The following NCLN variants were observed in gnomAD, a reference collection of about 807,000 sequenced individuals.
NCLN encodes BOS complex subunit NCLN.
A neutral mutation model predicts 69.5 loss-of-function variants in NCLN; 34 were observed. That is an observed-to-expected ratio of 0.49 (90% CI 0.37 to 0.65). NCLN has a LOEUF of 0.65. NCLN is among the 30% of genes least tolerant of loss of function. NCLN has a pLI of 0.00. For synonymous variants in NCLN, 393 were observed against 358.3 expected (o/e 1.10, Z -1.09); for missense variants, 710 against 804.8 (o/e 0.88, Z 1.42).
Position 3,207,023 on chromosome 19 carries a change from C to T in NCLN, c.1500-175C>T, listed in dbSNP as rs150148705. 5.3e-4 allele frequency among the ~76,000 whole-genome samples: 80 copies of T among 152,136 alleles called. 2 individuals carry two copies. The East Asian group carries it at 0.014, about 26-fold the overall frequency. On this transcript the variant is annotated intron_variant, in intron 12 of 14. Transcript: ENST00000246117. ...ATTTTTAGTAGAGATGGGGTTTCAC[C>T]GTGTTGGCCAGGTTGGTCTTGAACT...
chr19:3,207,145 T>G, intron 12 of NCLN, 53 bp from the exon 13 acceptor site: 1 of 1,603,450 alleles, frequency 6.2e-7, no homozygotes, highest in South Asian at 1.1e-5. Flanking sequence ...AAACCCTTTT[T>G]TAAGAATTAG....
rs1916312012 is a variant in NCLN at position 3,207,757 on chromosome 19, C to G, written c.*69C>G. ...CTGGGGCCGAGCACGAGTGAGTGGACACTGCCCCGCCGCGGGCGGCCCTGC... is the reference window on the plus strand; with the variant it reads ...CTGGGGCCGAGCACGAGTGAGTGGAGACTGCCCCGCCGCGGGCGGCCCTGC... On this transcript the variant is annotated 3_prime_UTR_variant, in exon 15 of 15. Coordinates refer to ENST00000246117, the MANE Select transcript of NCLN (RefSeq NM_020170.4). 3 of 1,403,844 alleles carry G rather than the reference C, an allele frequency of 2.1e-6. No homozygotes were observed. Among genetic ancestry groups the G allele is most frequent in the Admixed American group, 1.7e-5 (1 of 58,182 alleles). 87.0% of individuals were successfully genotyped at this position (1,403,844 alleles called of 1,614,324 possible).
rs754011231 is a variant in NCLN, at chr19:3,201,500, C to G, written c.697-23C>G. On this transcript the variant is annotated intron_variant, in intron 5 of 14. Coordinates refer to ENST00000246117, the MANE Select transcript of NCLN (RefSeq NM_020170.4). ...GGGAGCCGGGCGGGGGTGACTGTGGCCTTGCCTCTCCCGTCCCTGTAGTGG... is the reference window on the plus strand; with the variant it reads ...GGGAGCCGGGCGGGGGTGACTGTGGGCTTGCCTCTCCCGTCCCTGTAGTGG... 3.3e-6 allele frequency: 5 copies of G among 1,528,058 alleles called. No homozygotes were observed. The South Asian group carries it at 4.8e-5, about 15-fold the overall frequency. 94.7% of individuals were successfully genotyped at this position (1,528,058 alleles called of 1,614,324 possible).
chr19:3,190,477 T>G (rs1915790530), intron 1 of NCLN, among the ~76,000 whole-genome samples: 1 of 152,066 alleles, frequency 6.6e-6, no homozygotes, highest in Non-Finnish European at 1.5e-5. Context: ...GCTGCTTCCC[T>G]CCCACCGCTT....
intron 1 of NCLN, among the ~76,000 whole-genome samples, chr19:3,186,958 A>G (rs1915686151): frequency 6.6e-6 from 1 of 151,984 alleles, no homozygotes; most frequent in Non-Finnish European, 1.5e-5. Context: ...TTCGTGAGTC[A>G]TGTTTCAGAA....
At chr19:3,206,798 C>T (rs1356391590) in intron 12 of NCLN, among the ~76,000 whole-genome samples, 1 of 152,154 alleles carries the variant, frequency 6.6e-6, no homozygotes, top group African/African-American at 2.4e-5. Context: ...TAGCAAGACC[C>T]CATCTCTACA....
chr19:3,207,560 A>T, intron 14 of NCLN, 69 bp from the exon 15 acceptor site: 1 of 1,607,030 alleles, frequency 6.2e-7, no homozygotes, highest in Non-Finnish European at 8.5e-7. Flanking sequence ...CCCCTGGCTC[A>T]GCCTAGAGTC....
At position 3,207,265 on chromosome 19, in the gene NCLN, A is replaced by C; in HGVS notation, c.1553+14A>C. On this transcript the variant is annotated intron_variant, in intron 13 of 14. Transcript: ENST00000246117. ...GAATGCGTACAGGTGAGTGGTGGCC[A>C]GCGGGACCTGGAGCCCTTCACCCCC... is the stretch of plus-strand genomic sequence containing the variant. 1 of 1,613,602 alleles carries C rather than the reference A, an allele frequency of 6.2e-7. No homozygotes were observed. Among genetic ancestry groups the C allele is most frequent in the Non-Finnish European group, 8.5e-7 (1 of 1,180,004 alleles).
At chr19:3,197,001 G>C (rs186339) in intron 4 of NCLN, among the ~76,000 whole-genome samples, 66,433 of 152,174 alleles carry the variant, frequency 0.44, 14,530 homozygotes, top group South Asian at 0.51. Context: ...TGGAAAAGCA[G>C]CGGCTTAGGC....
At chr19:3,203,198 C>T (rs1916170927) in intron 6 of NCLN, among the ~76,000 whole-genome samples, 2 of 152,074 alleles carry the variant, frequency 1.3e-5, no homozygotes, top group African/African-American at 4.8e-5. Context: ...ATCCCAGCTA[C>T]TTGGGAGGCT....
At chr19:3,203,912 G>C in intron 7 of NCLN, 68 bp downstream of exon 7, 1 of 1,578,280 alleles carries the variant, frequency 6.3e-7, no homozygotes, top group Admixed American at 1.9e-5. Flanking sequence ...GGAGGCCCAG[G>C]GGTTGCCATG....
chr19:3,204,735 A>G lies in NCLN; in HGVS notation c.1192A>G (p.Ser398Gly). ...GAGCCACCGTGACGGCCAGCGCAGC[A>G]GCATCATGGACGTGCGGTGAGCGCG... Reference protein sequence around the residue: ...LESHRDGQRSSIMDVRSRVDS... With the variant: ...LESHRDGQRSGIMDVRSRVDS... Residue 398 changes from serine (S) to glycine (G), a missense_variant, in exon 9 of 15, where the codon AGC becomes GGC. Coordinates refer to ENST00000246117, the MANE Select transcript of NCLN (RefSeq NM_020170.4). 1 of 1,556,778 alleles carries G rather than the reference A, an allele frequency of 6.4e-7. No homozygotes were observed.
At position 3,208,046 on chromosome 19, in the gene NCLN, G is replaced by T; in HGVS notation, c.*358G>T. ...AGACGCCGGGACCCCCTGCCCGATC[G>T]CGCGCGGCCTCCGCCCACCGCCTCC... is the stretch of plus-strand genomic sequence containing the variant. On this transcript the variant is annotated 3_prime_UTR_variant, in exon 15 of 15. Transcript: ENST00000246117. The T allele has an allele frequency of 3.8e-6, 1 of 265,762 alleles. No homozygotes were observed. The highest frequency in any genetic ancestry group is 7.3e-6 in the Non-Finnish European group (1 of 137,920). The allele number at this position is 265,762 out of a possible 1,614,324, so 16.5% of individuals were successfully genotyped here.
At chr19:3,190,680 C>T (rs1473451075) in intron 1 of NCLN, among the ~76,000 whole-genome samples, 1 of 152,172 alleles carries the variant, frequency 6.6e-6, no homozygotes, top group Admixed American at 6.5e-5. Flanking sequence ...TCCTGGGCAT[C>T]GTGATTTTGA....
intron 3 of NCLN, among the ~76,000 whole-genome samples, chr19:3,195,660 C>T (rs1333424400): frequency 6.6e-6 from 1 of 151,972 alleles, no homozygotes; most frequent in Non-Finnish European, 1.5e-5. Context: ...CACAGTGGCT[C>T]ATTGCCTGTA....
chr19:3,207,083 C>G (rs1010274368), intron 12 of NCLN, 115 bp from the exon 13 acceptor site: 2 of 1,227,820 alleles, frequency 1.6e-6, no homozygotes, highest in African/African-American at 3.0e-5. Flanking sequence ...CTCAACCTCC[C>G]AAAGTGCTGG....
chr19:3,198,439 G>A (rs1471122419), intron 4 of NCLN, among the ~76,000 whole-genome samples: 2 of 151,034 alleles, frequency 1.3e-5, no homozygotes, highest in African/African-American at 4.9e-5. Context: ...CCCGGGAGGT[G>A]GAGCTTGCAG....
chr19:3,195,508 C>A (rs543841619), intron 3 of NCLN, among the ~76,000 whole-genome samples: 1 of 152,168 alleles, frequency 6.6e-6, no homozygotes, highest in Non-Finnish European at 1.5e-5. Flanking sequence ...CTCGGCCTCC[C>A]AAAGTGCTGG....
intron 4 of NCLN, among the ~76,000 whole-genome samples, 189 bp downstream of exon 4, chr19:3,196,466 C>T (rs1001146217): frequency 2.0e-5 from 3 of 152,096 alleles, no homozygotes; most frequent in East Asian, 1.9e-4. Context: ...CTCACATGGC[C>T]GGGGAGTCGC....
Sources: allele counts gnomAD v4.1 joint callset (sites outside exome capture counted in the v4.1 genomes callset), GRCh38; gene constraint gnomAD v4.1.1; transcripts MANE v1.5; gene names NCBI Gene and HGNC (gene_info 2026-07-23, HGNC 2026-07-21).